Variants in ATP2C2 observed in about 807,000 individuals in gnomAD.
ATP2C2 encodes ATPase secretory pathway Ca2+ transporting 2, also known as calcium-transporting ATPase type 2C member 2.
In ATP2C2, 171 loss-of-function variants were observed where a neutral mutation model predicts 110.8. The observed-to-expected ratio is 1.54, with a 90% CI of 1.36 to 1.75. The LOEUF (loss-of-function observed/expected upper bound fraction) is 1.75. Ranked by LOEUF, ATP2C2 falls within the 40% of genes most tolerant of loss-of-function variation. The pLI is 0.00. For synonymous variants in ATP2C2, 804 were observed against 508.4 expected (o/e 1.58, Z -7.82); for missense variants, 1,963 against 1,235.0 (o/e 1.59, Z -8.84).
chr16:84,399,181 C>G (rs549572422), intron 2 of ATP2C2, among the ~76,000 whole-genome samples: 2 of 152,340 alleles, frequency 1.3e-5, no homozygotes, highest in African/African-American at 4.8e-5. Context: ...TACTCAGAAC[C>G]ACTACATTTT....
chr16:84,450,735 G>C (rs1910182472), intron 17 of ATP2C2, among the ~76,000 whole-genome samples: 2 of 152,176 alleles, frequency 1.3e-5, no homozygotes, highest in South Asian at 4.2e-4. Context: ...AGCTGGGCCT[G>C]GCTTCTGTGC....
At chr16:84,410,962 G>A in intron 6 of ATP2C2, 197 bp downstream of exon 6, 3 of 609,532 alleles carry the variant, frequency 4.9e-6, no homozygotes, top group Non-Finnish European at 8.8e-6. Flanking sequence ...CAACCTCTCT[G>A]GGCCTCAGCT....
intron 1 of ATP2C2, among the ~76,000 whole-genome samples, chr16:84,392,570 C>A (rs1356937539): frequency 6.6e-6 from 1 of 152,166 alleles, no homozygotes; most frequent in Admixed American, 6.5e-5. Context: ...TCAAGTGATT[C>A]TCCTACCTTA....
chr16:84,455,692 G>A lies in ATP2C2; in HGVS notation c.2147+708G>A, dbSNP rs142206530. On this transcript the variant is annotated intron_variant, in intron 21 of 26. Coordinates refer to ENST00000262429, the MANE Select transcript of ATP2C2 (RefSeq NM_014861.4). ...AACAAATATTGAGGCTAGGTGGATCGTGCACTTTACAAAGGTGTCTCCACA... is the reference window on the plus strand; with the variant it reads ...AACAAATATTGAGGCTAGGTGGATCATGCACTTTACAAAGGTGTCTCCACA... 5.3e-3 allele frequency among the ~76,000 whole-genome samples: 796 copies of A among 151,578 alleles called. 6 individuals carry two copies. Among genetic ancestry groups the A allele is most frequent in the African/African-American group, 0.017 (705 of 41,250 alleles).
chr16:84,406,138 C>A (rs1291370577), intron 3 of ATP2C2, among the ~76,000 whole-genome samples: 1 of 152,222 alleles, frequency 6.6e-6, no homozygotes, highest in African/African-American at 2.4e-5. Flanking sequence ...GAGCTGCACC[C>A]AGAGCCCCTT....
Position 84,454,064 on chromosome 16 carries a change from C to G in ATP2C2, c.1980+693C>G, listed in dbSNP as rs532438465. Among the ~76,000 whole-genome samples the G allele has an allele frequency of 6.6e-4, 100 of 152,326 alleles. 1 individual carries two copies. The highest frequency in any genetic ancestry group is 2.3e-3 in the African/African-American group (97 of 41,580). On this transcript the variant is annotated intron_variant, in intron 20 of 26. Coordinates refer to ENST00000262429, the MANE Select transcript of ATP2C2 (RefSeq NM_014861.4). ...CCATGTTGGCCAGGCTGGTCTCAAA[C>G]TCCTGACCTCAGGTGATCCGCCTAT...
chr16:84,449,131 C>T (rs572835124), intron 17 of ATP2C2, among the ~76,000 whole-genome samples: 1 of 152,222 alleles, frequency 6.6e-6, no homozygotes, highest in Non-Finnish European at 1.5e-5. Context: ...CTCACATTTC[C>T]CTTGGTGTCA....
In ATP2C2 at chr16:84,436,437, C is replaced by T. The variant is rs570375282; in HGVS notation, c.987-2729C>T. On this transcript the variant is annotated intron_variant, in intron 11 of 26. Transcript: ENST00000262429. ...GCCTGGCCCCAGGGCCTGGACCGGG[C>T]GTGTCTCGAGGGGCTTCTGCAGGGT... Among the ~76,000 whole-genome samples, 34 of 152,146 alleles carry T rather than the reference C, an allele frequency of 2.2e-4. No homozygotes were observed. In the South Asian group the frequency reaches 6.2e-3, roughly 28 times the overall value.
intron 14 of ATP2C2, among the ~76,000 whole-genome samples, chr16:84,441,757 C>CT (rs1909277948): frequency 6.6e-6 from 1 of 152,272 alleles, no homozygotes; most frequent in African/African-American, 2.4e-5. Flanking sequence ...CCCATCTCTA[C>CT]TAAAAAATAT....
At chr16:84,401,177 T>C (rs1441600604) in intron 2 of ATP2C2, among the ~76,000 whole-genome samples, 1 of 152,082 alleles carries the variant, frequency 6.6e-6, no homozygotes, top group African/African-American at 2.4e-5. Context: ...CCCGATGTTC[T>C]CTTGATAGTT....
In ATP2C2 at chr16:84,451,969, G is replaced by A. The variant is rs760435180; in HGVS notation, c.1709G>A (p.Gly570Asp). ...GPELGRLTFL[G>D]LVGIIDPPRV... The stretch of plus-strand genomic sequence containing the variant: ...GAGCTGGGGCGGCTGACGTTTCTCG[G>A]TCTTGTGGGCATCATTGACCCCCCG... Residue 570 changes from glycine to aspartate, a missense_variant, in exon 18 of 27, where the codon GGT becomes GAT. Transcript: ENST00000262429. 1 of 1,614,008 alleles carries A rather than the reference G, an allele frequency of 6.2e-7. No individual in the cohort carries two copies. The highest frequency in any genetic ancestry group is 8.5e-7 in the Non-Finnish European group (1 of 1,180,004).
intron 7 of ATP2C2, among the ~76,000 whole-genome samples, chr16:84,420,556 C>G (rs983883798): frequency 1.3e-5 from 2 of 151,892 alleles, no homozygotes; most frequent in East Asian, 1.9e-4. Flanking sequence ...CCCATCTACC[C>G]CTCACCCGGG....
chr16:84,377,891 G>A (rs997495042), intron 1 of ATP2C2, among the ~76,000 whole-genome samples: 14 of 152,210 alleles, frequency 9.2e-5, no homozygotes, highest in Admixed American at 5.9e-4. Context: ...TCTGCCGTCT[G>A]CCCCAAGTCC....
rs553518485 is a variant in ATP2C2, at chr16:84,422,501, G to A, written c.736G>A (p.Val246Ile). Residue 246 changes from valine to isoleucine, a missense_variant, in exon 8 of 27, where the codon GTC becomes ATC. Physicochemically the swap from Val to Ile is conservative, Grantham distance 29 (BLOSUM62 3). Coordinates refer to ENST00000262429, the MANE Select transcript of ATP2C2 (RefSeq NM_014861.4). Reference sequence around the variant, plus strand: ...GGACCTCACCACCCTCAGCAACATCGTCTTCATGGGGACCCTGGTGCAGTA... The same window carrying A: ...GGACCTCACCACCCTCAGCAACATCATCTTCATGGGGACCCTGGTGCAGTA... ...GGDLTTLSNI[V>I]FMGTLVQYGR... is the part of the protein sequence containing the mutation. 3.3e-5 allele frequency: 54 copies of A among 1,614,090 alleles called. No homozygotes were observed. Among genetic ancestry groups the A allele is most frequent in the Admixed American group, 3.3e-4 (20 of 60,004 alleles).
intron 11 of ATP2C2, among the ~76,000 whole-genome samples, chr16:84,434,164 C>T (rs1215101082): frequency 6.6e-6 from 1 of 151,910 alleles, no homozygotes; most frequent in Non-Finnish European, 1.5e-5. Context: ...ATGCCTGTAA[C>T]CCCAGCACTT....
At chr16:84,414,858 G>A (rs1435195684) in intron 6 of ATP2C2, among the ~76,000 whole-genome samples, 1 of 152,126 alleles carries the variant, frequency 6.6e-6, no homozygotes, top group Non-Finnish European at 1.5e-5. Flanking sequence ...CGGAGGGTTT[G>A]GAGCAGGAGG....
chr16:84,460,863 G>A lies in ATP2C2; in HGVS notation c.2481+62G>A. The A allele has an allele frequency of 4.6e-6, 7 of 1,533,334 alleles. No homozygotes were observed. The South Asian group carries it at 7.5e-5, about 16-fold the overall frequency. The allele number at this position is 1,533,334 out of a possible 1,614,324, so 95.0% of individuals were successfully genotyped here. A position where few individuals can be genotyped will look rare whatever the true frequency, so the allele number is the denominator to read the frequency against. ...TGGTGCGGTGCAGACGCTGGGGACT[G>A]CAGTCCCTGCCCTCCTGCCACAGCT... On this transcript the variant is annotated intron_variant, in intron 24 of 26. Coordinates refer to ENST00000262429, the MANE Select transcript of ATP2C2 (RefSeq NM_014861.4).
chr16:84,412,217 C>T (rs1305441237), intron 6 of ATP2C2, among the ~76,000 whole-genome samples: 1 of 152,090 alleles, frequency 6.6e-6, no homozygotes, highest in Non-Finnish European at 1.5e-5. Flanking sequence ...AAAGTTACTG[C>T]ATTTTTTGCA....
At position 84,398,610 on chromosome 16, in the gene ATP2C2, G is replaced by A. The variant is rs759377849; in HGVS notation, c.210+1G>A. The A allele has an allele frequency of 6.2e-7, 1 of 1,603,168 alleles. No individual in the cohort carries two copies. Among genetic ancestry groups the A allele is most frequent in the Non-Finnish European group, 8.5e-7 (1 of 1,174,180 alleles). On this transcript the variant is annotated splice_donor_variant, in intron 2 of 26. Transcript: ENST00000262429. LOFTEE classifies it high-confidence loss of function. ...AGAGGATTTGGCCAGAGCGTTTTGT[G>A]TAAGAATTGAATTTGCATCTGGAGC...
Sources: gnomAD v4.1 joint callset for allele counts (sites outside exome capture counted in the v4.1 genomes callset) on GRCh38, gnomAD v4.1.1 for gene constraint, MANE v1.5 for transcripts, NCBI Gene and HGNC (gene_info 2026-07-23, HGNC 2026-07-21) for gene names.